The following EPC2 variants were observed in gnomAD, a reference collection of about 807,000 sequenced individuals.
The protein encoded by EPC2 is enhancer of polycomb homolog 2.
A neutral mutation model predicts 92.1 loss-of-function variants in EPC2; 14 were observed. That is an observed-to-expected ratio of 0.15 (90% CI 0.10 to 0.24). The LOEUF is 0.24. EPC2 is among the 10% of genes least tolerant of loss of function. EPC2 has a pLI of 1.00. For synonymous variants in EPC2, 340 were observed against 334.7 expected, an observed-to-expected ratio of 1.02 and a Z score of -0.17; for missense variants, 755 against 971.5, an observed-to-expected ratio of 0.78 and a Z score of 2.96.
At chr2:148,785,984 A>AG (rs1016079026) in intron 13 of EPC2, among the ~76,000 whole-genome samples, 2 of 151,774 alleles carry the variant, frequency 1.3e-5, no homozygotes, top group African/African-American at 2.4e-5. Flanking sequence ...TCATCTCTCG[A>AG]GAAAAAAAAA....
chr2:148,725,096 C>G (rs190960020), intron 2 of EPC2, among the ~76,000 whole-genome samples: 1 of 152,072 alleles, frequency 6.6e-6, no homozygotes, highest in East Asian at 1.9e-4. Flanking sequence ...ATATAGAATT[C>G]AATCTTTAAG....
At chr2:148,669,305 T>C (rs1681110912) in intron 1 of EPC2, among the ~76,000 whole-genome samples, 1 of 152,220 alleles carries the variant, frequency 6.6e-6, no homozygotes, top group South Asian at 2.1e-4. Context: ...TAATATCCAT[T>C]GAATATTATA....
At chr2:148,667,423 G>A (rs1333722920) in intron 1 of EPC2, among the ~76,000 whole-genome samples, 1 of 152,156 alleles carries the variant, frequency 6.6e-6, no homozygotes, top group Non-Finnish European at 1.5e-5. Flanking sequence ...GTGTCCTGTT[G>A]TTTGTAACTA....
chr2:148,777,178 A>G (rs1683663452), intron 10 of EPC2, among the ~76,000 whole-genome samples: 1 of 152,084 alleles, frequency 6.6e-6, no homozygotes, highest in Non-Finnish European at 1.5e-5. Flanking sequence ...TGTCTCTTAA[A>G]AAAGAGAAAA....
At chr2:148,661,563 A>T (rs886108962) in intron 1 of EPC2, among the ~76,000 whole-genome samples, 5 of 152,108 alleles carry the variant, frequency 3.3e-5, no homozygotes, top group African/African-American at 1.2e-4. Context: ...AGTGGAGATA[A>T]TGGGCATTTT....
intron 1 of EPC2, among the ~76,000 whole-genome samples, chr2:148,672,997 C>A (rs1681187922): frequency 6.6e-6 from 1 of 152,000 alleles, no homozygotes; most frequent in Non-Finnish European, 1.5e-5. Flanking sequence ...TCTCTCAGTC[C>A]TTTGGATATA....
rs1441459099 is a variant in EPC2 at position 148,780,103 on chromosome 2, CAT to C, written c.1721-1540_1721-1539del. Among the ~76,000 whole-genome samples the C allele has an allele frequency of 2.0e-5, 3 of 152,074 alleles. No individual in the cohort carries two copies. In the East Asian group the frequency reaches 5.8e-4, roughly 29 times the overall value. ...AATAGAACACTTGCAGTGAATTTAA[CAT>C]GTGCAAAGAAAGACATTTGATTTTG... On this transcript the variant is annotated intron_variant, in intron 10 of 13. Coordinates refer to ENST00000258484, the MANE Select transcript of EPC2 (RefSeq NM_015630.4).
At chr2:148,698,370 G>A (rs142117341) in intron 2 of EPC2, among the ~76,000 whole-genome samples, 3,826 of 152,180 alleles carry the variant, frequency 0.025, 56 homozygotes, top group East Asian at 0.032. Context: ...GGGCGCAGTG[G>A]CTCGTGCCTG....
intron 1 of EPC2, among the ~76,000 whole-genome samples, chr2:148,656,029 G>GA (rs1680790018): frequency 7.7e-6 from 1 of 130,374 alleles, no homozygotes; most frequent in East Asian, 2.3e-4. Context: ...GTGTGTGGGG[G>GA]GGGGGGGGGT....
chr2:148,739,830 C>CTTTTTTTTTTTTTTTTTTT (rs879739457), intron 2 of EPC2, among the ~76,000 whole-genome samples: 25 of 96,668 alleles, frequency 2.6e-4, no homozygotes, highest in South Asian at 8.8e-4. Flanking sequence ...TTTTCTTCTT[C>CTTTTTTTTTTTTTTTTTTT]TTCTTTTTTT....
chr2:148,667,102 C>A (rs1444967011), intron 1 of EPC2, among the ~76,000 whole-genome samples: 1 of 152,144 alleles, frequency 6.6e-6, no homozygotes, highest in Non-Finnish European at 1.5e-5. Context: ...AATATATGTG[C>A]TTAATGAAAA....
chr2:148,762,939 C>A, intron 6 of EPC2, 137 bp downstream of exon 6: 1 of 872,954 alleles, frequency 1.1e-6, no homozygotes, highest in Non-Finnish European at 1.7e-6. Flanking sequence ...ATGAGCCAAG[C>A]ACTTTGCTAG....
intron 6 of EPC2, among the ~76,000 whole-genome samples, chr2:148,764,636 A>T (rs1683373472): frequency 6.6e-6 from 1 of 152,204 alleles, no homozygotes; most frequent in South Asian, 2.1e-4. Flanking sequence ...AATACAGCAG[A>T]TTTAAATAAA....
At chr2:148,784,580 C>T (rs1683825078) in intron 12 of EPC2, 88 bp from the exon 13 acceptor site, 2 of 1,038,168 alleles carry the variant, frequency 1.9e-6, no homozygotes, top group South Asian at 3.2e-5. Flanking sequence ...AATTCAAATA[C>T]AAATGTTCGT....
rs1683503469 is a variant in EPC2 at position 148,770,882 on chromosome 2, A to G, written c.1321A>G (p.Thr441Ala). 21 of 1,613,682 alleles carry G rather than the reference A, an allele frequency of 1.3e-5. No homozygotes were observed. The highest frequency in any genetic ancestry group is 1.8e-5 in the Non-Finnish European group (21 of 1,179,850). The change falls in exon 9 of 14, where the codon ACA becomes GCA. Residue 441 changes from threonine to alanine, a missense_variant. Coordinates refer to ENST00000258484, the MANE Select transcript of EPC2 (RefSeq NM_015630.4). Reference sequence around the variant, plus strand: ...GTATAGGCATTGCCTTACAACACTTACAGTCCCAAGAAGATGTATAGGATT... The same window carrying G: ...GTATAGGCATTGCCTTACAACACTTGCAGTCCCAAGAAGATGTATAGGATT... ...LRYRHCLTTL[T>A]VPRRCIGFAR...
chr2:148,681,057 T>C (rs1681383446), intron 1 of EPC2, among the ~76,000 whole-genome samples: 1 of 152,186 alleles, frequency 6.6e-6, no homozygotes, highest in South Asian at 2.1e-4. Context: ...TTTTCTTTAG[T>C]ATGATGTAGA....
intron 2 of EPC2, among the ~76,000 whole-genome samples, chr2:148,699,207 A>G (rs1279524812): frequency 6.6e-6 from 1 of 152,248 alleles, no homozygotes; most frequent in African/African-American, 2.4e-5. Flanking sequence ...TTTACAAAAA[A>G]GCCAATAACA....
chr2:148,725,953 T>C (rs1414104075), intron 2 of EPC2, among the ~76,000 whole-genome samples: 2 of 152,184 alleles, frequency 1.3e-5, no homozygotes, highest in African/African-American at 2.4e-5. Flanking sequence ...TGTATACCCA[T>C]TGAACAACCT....
At chr2:148,763,458 G>A (rs1683342265) in intron 6 of EPC2, among the ~76,000 whole-genome samples, 1 of 152,126 alleles carries the variant, frequency 6.6e-6, no homozygotes, top group Admixed American at 6.5e-5. Flanking sequence ...ATTTTAAGGA[G>A]CATAGATTTA....
Sources: gnomAD v4.1 joint callset for allele counts (sites outside exome capture counted in the v4.1 genomes callset) on GRCh38, gnomAD v4.1.1 for gene constraint, MANE v1.5 for transcripts, NCBI Gene and HGNC (gene_info 2026-07-23, HGNC 2026-07-21) for gene names.